The following LRP2 variants were observed in gnomAD, a reference collection of about 807,000 sequenced individuals.
LRP2 encodes low-density lipoprotein receptor-related protein 2.
Under a neutral mutation model 531.0 loss-of-function variants are expected in LRP2, and 172 were observed. The ratio of observed to expected loss-of-function variants is 0.32; its 90% CI spans 0.29 to 0.37. The LOEUF is 0.37. Ranked by LOEUF, LRP2 falls within the 10% of genes least tolerant of loss-of-function variation. The pLI, the probability that LRP2 is intolerant of heterozygous loss-of-function variation, is 1.00. For missense variants in LRP2, 5,167 were observed against 5,868.3 expected (o/e 0.88, Z 3.90); for synonymous variants, 1,992 against 2,027.6 (o/e 0.98, Z 0.47).
intron 4 of LRP2, among the ~76,000 whole-genome samples, chr2:169,297,972 A>AACACAC (rs10548576): frequency 0.046 from 6,921 of 150,018 alleles, 158 homozygotes; most frequent in Non-Finnish European, 0.052. Flanking sequence ...AAGATTGGGA[A>AACACAC]ACACACACAC....
intron 22 of LRP2, among the ~76,000 whole-genome samples, chr2:169,243,812 C>T (rs1179168735): frequency 1.3e-5 from 2 of 151,488 alleles, no homozygotes; most frequent in African/African-American, 2.4e-5. Flanking sequence ...ACTTGGACTA[C>T]ATTTCATGAA....
chr2:169,209,055 G>T (rs79503405), intron 38 of LRP2, among the ~76,000 whole-genome samples: 15,410 of 152,056 alleles, frequency 0.1, 1,649 homozygotes, highest in African/African-American at 0.27. Flanking sequence ...AACTAAAATT[G>T]CTCAGCTTCA....
intron 1 of LRP2, among the ~76,000 whole-genome samples, chr2:169,358,244 T>A (rs1304429213): frequency 1.3e-5 from 2 of 152,188 alleles, no homozygotes; most frequent in East Asian, 3.8e-4. Flanking sequence ...CAAATTTATA[T>A]CTTAGCTCTG....
chr2:169,273,422 T>A (rs1683474013), intron 14 of LRP2, among the ~76,000 whole-genome samples: 1 of 152,184 alleles, frequency 6.6e-6, no homozygotes, highest in African/African-American at 2.4e-5. Context: ...ATTTGTAGGA[T>A]ATAATAAATA....
Position 169,278,094 on chromosome 2 carries a change from TG to T in LRP2, c.1566-144del, listed in dbSNP as rs768871988. The stretch of plus-strand genomic sequence containing the variant: ...GTATAAAACAACAGGGAAATTAAGT[TG>T]TTTTTTTTTTTTAAAGAGACTGTGG... On this transcript the variant is annotated intron_variant, in intron 12 of 78. Transcript: ENST00000649046. The T allele has an allele frequency of 5.4e-4, 375 of 696,190 alleles. 2 individuals carry two copies. The highest frequency in any genetic ancestry group is 7.9e-4 in the South Asian group (43 of 54,344). The allele number at this position is 696,190 out of a possible 1,614,324, so 43.1% of individuals were successfully genotyped here.
At chr2:169,202,136 A>G (rs978306371) in intron 43 of LRP2, among the ~76,000 whole-genome samples, 1 of 152,118 alleles carries the variant, frequency 6.6e-6, no homozygotes, top group South Asian at 2.1e-4. Context: ...TATAATCTCA[A>G]TTTATCTCAA....
chr2:169,141,408 A>T (rs772681660), intron 71 of LRP2, among the ~76,000 whole-genome samples: 6 of 152,126 alleles, frequency 3.9e-5, no homozygotes, highest in Admixed American at 2.0e-4. Flanking sequence ...TAGAATGTAA[A>T]CTCAATACAC....
intron 26 of LRP2, 118 bp from the exon 27 acceptor site, chr2:169,238,420 A>G: frequency 1.3e-6 from 1 of 746,358 alleles, no homozygotes; most frequent in Non-Finnish European, 2.3e-6. Flanking sequence ...TCCAAACTAT[A>G]GTAAGTTGGT....
At chr2:169,308,588 T>C (rs922218354) in intron 3 of LRP2, among the ~76,000 whole-genome samples, 4 of 152,210 alleles carry the variant, frequency 2.6e-5, no homozygotes, top group African/African-American at 9.6e-5. Context: ...TTCCATGGTG[T>C]ATATGTGCCA....
intron 77 of LRP2, 86 bp downstream of exon 77, chr2:169,132,488 C>T (rs1169504103): frequency 7.5e-6 from 6 of 795,400 alleles, no homozygotes; most frequent in African/African-American, 5.1e-5. Context: ...TCCAGAATCT[C>T]CCTTGTTTGC....
intron 64 of LRP2, among the ~76,000 whole-genome samples, chr2:169,156,732 A>ATGTTG (rs1686345399): frequency 6.6e-6 from 1 of 152,152 alleles, no homozygotes; most frequent in Admixed American, 6.6e-5. Flanking sequence ...CAGAAGGCAT[A>ATGTTG]TGTTGTGTTG....
chr2:169,178,069 C>G (rs1164355752), intron 52 of LRP2, 43 bp from the exon 53 acceptor site: 2 of 1,368,566 alleles, frequency 1.5e-6, no homozygotes, highest in African/African-American at 2.9e-5. Flanking sequence ...AAGGTAATTC[C>G]TCTCCTCTAA....
chr2:169,296,599 C>T (rs751758335), intron 4 of LRP2, among the ~76,000 whole-genome samples: 1 of 151,962 alleles, frequency 6.6e-6, no homozygotes, highest in Non-Finnish European at 1.5e-5. Flanking sequence ...GTAGAAAACC[C>T]AGCTCTTTGC....
At chr2:169,296,280 C>T (rs1046014270) in intron 4 of LRP2, among the ~76,000 whole-genome samples, 8 of 152,054 alleles carry the variant, frequency 5.3e-5, no homozygotes, top group Non-Finnish European at 1.0e-4. Context: ...AAATGGAAGG[C>T]ATTTTTAAAT....
intron 6 of LRP2, among the ~76,000 whole-genome samples, chr2:169,292,688 C>T (rs755884114): frequency 4.0e-5 from 6 of 151,728 alleles, no homozygotes; most frequent in Non-Finnish European, 7.4e-5. Context: ...AATAGCCAAG[C>T]ATGGTGGTAC....
At chr2:169,159,487 A>C (rs1396694475) in intron 63 of LRP2, among the ~76,000 whole-genome samples, 3 of 152,192 alleles carry the variant, frequency 2.0e-5, no homozygotes, top group Non-Finnish European at 4.4e-5. Flanking sequence ...GTATGCATGA[A>C]AGTCTTATAA....
Position 169,181,624 on chromosome 2 carries a change from A to G in LRP2, c.9999-6T>C, listed in dbSNP as rs767794176. ...AGTCTGCCCAGTAGAGGTACCTGTC[A>G]GGGCAAACACAAAGGGTCAGTCCCT... On this transcript the variant is annotated splice_polypyrimidine_tract_variant and splice_region_variant and intron_variant, in intron 51 of 78. Transcript: ENST00000649046. 2 of 1,614,064 alleles carry G rather than the reference A, an allele frequency of 1.2e-6. No individual in the cohort carries two copies. Among genetic ancestry groups the G allele is most frequent in the Admixed American group, 1.7e-5 (1 of 60,012 alleles).
intron 1 of LRP2, among the ~76,000 whole-genome samples, chr2:169,356,492 G>T (rs1398941826): frequency 1.3e-5 from 2 of 152,180 alleles, no homozygotes; most frequent in Non-Finnish European, 2.9e-5. Flanking sequence ...CATTGCCTTT[G>T]CATAACCACC....
intron 1 of LRP2, among the ~76,000 whole-genome samples, chr2:169,359,030 G>A (rs2105588734): frequency 6.6e-6 from 1 of 151,912 alleles, no homozygotes; most frequent in Admixed American, 6.5e-5. Flanking sequence ...ATGGAAATAG[G>A]AATAGGAAGC....
Sources: gnomAD v4.1 joint callset for allele counts (sites outside exome capture counted in the v4.1 genomes callset) on GRCh38, gnomAD v4.1.1 for gene constraint, MANE v1.5 for transcripts, NCBI Gene and HGNC (gene_info 2026-07-23, HGNC 2026-07-21) for gene names.